ASB8: variants seen among roughly 807,000 people sequenced by gnomAD.
ASB8 encodes the protein ankyrin repeat and SOCS box protein 8.
A neutral mutation model predicts 22.9 loss-of-function variants in ASB8; 15 were observed. The observed-to-expected ratio is 0.66, with a 90% CI of 0.44 to 1.01. ASB8 has a LOEUF of 1.01. ASB8 is among the 50% of genes least tolerant of loss of function. The pLI, the probability that ASB8 is intolerant of heterozygous loss-of-function variation, is 0.00. For missense variants in ASB8, 294 were observed against 356.9 expected, an observed-to-expected ratio of 0.82 and a Z score of 1.42; for synonymous variants, 124 against 140.8, an observed-to-expected ratio of 0.88 and a Z score of 0.84.
intron 1 of ASB8, among the ~76,000 whole-genome samples, chr12:48,154,617 C>CA (rs1951267529): frequency 6.6e-6 from 1 of 151,526 alleles, no homozygotes; most frequent in South Asian, 2.1e-4. Context: ...AATGTACTTT[C>CA]AGTTTTAGGA....
chr12:48,150,273 T>C, intron 3 of ASB8: 2 of 683,840 alleles, frequency 2.9e-6, no homozygotes, highest in South Asian at 1.6e-5. Flanking sequence ...AATGTTCTTT[T>C]ATCTATTCAT....
In ASB8 at chr12:48,153,346, C is replaced by T. The variant is rs376121340; in HGVS notation, c.129+22G>A. 1.3e-5 allele frequency: 21 copies of T among 1,613,170 alleles called. No homozygotes were observed. In the African/African-American group the frequency reaches 1.9e-4, roughly 14 times the overall value. Reference sequence around the variant, plus strand: ...CCCACTTCATATCGCAAGGACTCTCCTGTCAATACCAGCACACTCACCCCT... The same window carrying T: ...CCCACTTCATATCGCAAGGACTCTCTTGTCAATACCAGCACACTCACCCCT... On this transcript the variant is annotated intron_variant, in intron 2 of 3. Transcript: ENST00000317697.
In ASB8 at chr12:48,148,660, T is replaced by G. The variant is rs1951140429; in HGVS notation, c.*706A>C. ...TTTTTCACAGATCAATTAAAATGGT[T>G]TTTTTTTTTTTTTTTTTTTTTTGAG... is the stretch of plus-strand genomic sequence containing the variant. On this transcript the variant is annotated 3_prime_UTR_variant, in exon 4 of 4. Transcript: ENST00000317697. The G allele has an allele frequency of 1.3e-5, 1 of 76,278 alleles. No homozygotes were observed. The highest frequency in any genetic ancestry group is 1.3e-4 in the Admixed American group (1 of 7,934). The allele number at this position is 76,278 out of a possible 1,614,324, so 4.7% of individuals were successfully genotyped here.
At position 48,155,742 on chromosome 12, in the gene ASB8, A is replaced by ATATAT. The variant is rs1555211489; in HGVS notation, c.-34+1716_-34+1717insATATA. Among the ~76,000 whole-genome samples the ATATAT allele has an allele frequency of 3.8e-3, 442 of 114,886 alleles. 5 individuals are homozygous for ATATAT. Among genetic ancestry groups the ATATAT allele is most frequent in the African/African-American group, 0.014 (416 of 29,490 alleles). The allele number at this position is 114,886 out of a possible 152,430, so 75.4% of individuals were successfully genotyped here. A position where few individuals can be genotyped will look rare whatever the true frequency, so the allele number is the denominator to read the frequency against. On this transcript the variant is annotated intron_variant, in intron 1 of 3. Transcript: ENST00000317697. ...GAGACTCCATCTCAAAAAAAAAAAA[A>ATATAT]ATATATATATATATATGTATATATA...
intron 3 of ASB8, chr12:48,150,920 AGT>A: frequency 5.5e-6 from 3 of 550,408 alleles, no homozygotes; most frequent in Non-Finnish European, 9.6e-6. Flanking sequence ...AGTGATGGCC[AGT>A]GACAGCTTAA....
chr12:48,150,878 T>C (rs1178450727), intron 3 of ASB8: 16 of 473,456 alleles, frequency 3.4e-5, no homozygotes, highest in Non-Finnish European at 5.6e-5. Flanking sequence ...TAAACGGAAA[T>C]ATAAACAGCC....
Position 48,149,389 on chromosome 12 carries a change from C to G in ASB8, c.844G>C (p.Glu282Gln). 1 of 1,614,028 alleles carries G rather than the reference C, an allele frequency of 6.2e-7. No homozygotes were observed. The highest frequency in any genetic ancestry group is 8.5e-7 in the Non-Finnish European group (1 of 1,179,928). Residue 282 changes from glutamate to glutamine, a missense_variant, in exon 4 of 4, where the codon GAA (glutamate) becomes CAA (glutamine). Glu to Gln is a conservative substitution (Grantham distance 29, BLOSUM62 2). Transcript: ENST00000317697. ...KGLPLPASLK[E>Q]YLLLLE is the part of the protein sequence containing the mutation. ...GGCTATTCTAAAAGTAACAGGTATTCCTTCAAAGAAGCTGGCAGTGGAAGG... is the reference window on the plus strand; with the variant it reads ...GGCTATTCTAAAAGTAACAGGTATTGCTTCAAAGAAGCTGGCAGTGGAAGG...
At chr12:48,151,768 A>G in intron 2 of ASB8, 3 of 586,692 alleles carry the variant, frequency 5.1e-6, no homozygotes, top group South Asian at 4.9e-5. Context: ...TCATCTTAAC[A>G]CGGTTTTTCC....
chr12:48,155,221 T>C (rs1406340146), intron 1 of ASB8, among the ~76,000 whole-genome samples: 1 of 152,218 alleles, frequency 6.6e-6, no homozygotes, highest in Admixed American at 6.5e-5. Context: ...ATCAGCTCTC[T>C]AGGTGCAACT....
At position 48,149,452 on chromosome 12, in the gene ASB8, T is replaced by C; in HGVS notation, c.781A>G (p.Ser261Gly). The change falls in exon 4 of 4, where the codon AGC becomes GGC. Residue 261 changes from serine (S) to glycine (G), a missense_variant. Physicochemically the swap from Ser to Gly is moderately conservative, Grantham distance 56 (BLOSUM62 0). Coordinates refer to ENST00000317697, the MANE Select transcript of ASB8 (RefSeq NM_024095.5). Reference sequence around the variant, plus strand: ...TCGGGGAGATACTGGAGTCCCAGGCTACGGCGCACGGCATAGCGAGCGAGT... The same window carrying C: ...TCGGGGAGATACTGGAGTCCCAGGCCACGGCGCACGGCATAGCGAGCGAGT... ...KTLARYAVRR[S>G]LGLQYLPDAV... is the part of the protein sequence containing the mutation. The C allele has an allele frequency of 6.2e-7, 1 of 1,614,126 alleles. No individual in the cohort carries two copies. The highest frequency in any genetic ancestry group is 8.5e-7 in the Non-Finnish European group (1 of 1,179,942).
chr12:48,149,155 TA>T lies in ASB8; in HGVS notation c.*210del, dbSNP rs1466893231. ...GCAATATAAAAAGCCAGGTAAGCAA[TA>T]AACAGAAAACAAAAGTGAGGGATTT... On this transcript the variant is annotated 3_prime_UTR_variant, in exon 4 of 4. Transcript: ENST00000317697. The T allele has an allele frequency of 1.7e-6, 1 of 598,338 alleles. No homozygotes were observed. The highest frequency in any genetic ancestry group is 1.9e-5 in the African/African-American group (1 of 53,964). 37.1% of individuals were successfully genotyped at this position (598,338 alleles called of 1,614,324 possible). A position where few individuals can be genotyped will look rare whatever the true frequency, so the allele number is the denominator to read the frequency against.
In ASB8 at chr12:48,149,685, A is replaced by G. The variant is rs150132451; in HGVS notation, c.548T>C (p.Ile183Thr). 19 of 1,613,952 alleles carry G rather than the reference A, an allele frequency of 1.2e-5. No individual in the cohort carries two copies. Among genetic ancestry groups the G allele is most frequent in the Non-Finnish European group, 1.5e-5 (18 of 1,179,936 alleles). The change falls in exon 4 of 4, where the codon ATA becomes ACA. Residue 183 changes from isoleucine to threonine, a missense_variant. Ile to Thr is a moderately conservative substitution (Grantham distance 89). Transcript: ENST00000317697. ...YGAEVRVINL[I>T]GQTPISRLVA... ...CAGGCGGGAGATGGGTGTCTGGCCTATTAGGTTGATGACTCTGACCTCTGC... is the reference window on the plus strand; with the variant it reads ...CAGGCGGGAGATGGGTGTCTGGCCTGTTAGGTTGATGACTCTGACCTCTGC...
intron 2 of ASB8, 99 bp downstream of exon 2, chr12:48,153,269 T>TGTGATC: frequency 6.9e-7 from 1 of 1,456,186 alleles, no homozygotes; most frequent in Non-Finnish European, 9.5e-7. Flanking sequence ...AAAAACTCCC[T>TGTGATC]GTGATCTTGG....
chr12:48,148,327 A>T lies in ASB8; in HGVS notation c.*1039T>A, dbSNP rs1951134726. The T allele has an allele frequency of 6.6e-6, 1 of 152,262 alleles. No individual in the cohort carries two copies. Among genetic ancestry groups the T allele is most frequent in the South Asian group, 2.1e-4 (1 of 4,836 alleles). 9.4% of individuals were successfully genotyped at this position (152,262 alleles called of 1,614,324 possible). A position where few individuals can be genotyped will look rare whatever the true frequency, so the allele number is the denominator to read the frequency against. On this transcript the variant is annotated 3_prime_UTR_variant, in exon 4 of 4. Transcript: ENST00000317697. ...GTTTCTCAGGAAGAGAAAAAGCTGC[A>T]TTACAAGAAAAGTTCTCAGGACTTT...
At chr12:48,152,134 G>A (rs1951213046) in intron 2 of ASB8, among the ~76,000 whole-genome samples, 3 of 143,394 alleles carry the variant, frequency 2.1e-5, no homozygotes, top group African/African-American at 7.9e-5. Flanking sequence ...CCTGGGCGAC[G>A]AGCGAAACTC....
Position 48,153,464 on chromosome 12 carries a change from G to A in ASB8, c.33C>T (p.Ser11=), listed in dbSNP as rs1366541255. The A allele has an allele frequency of 6.2e-7, 1 of 1,613,298 alleles. No homozygotes were observed. Among genetic ancestry groups the A allele is most frequent in the Non-Finnish European group, 8.5e-7 (1 of 1,179,420 alleles). MSSSMWYIMQ[S]IQSKYSLSER... is the part of the protein sequence containing the mutation. The stretch of plus-strand genomic sequence containing the variant: ...CGGAGAGAGAGTATTTGCTCTGAAT[G>A]CTCTGCATAATATACCACATACTGG... The change falls in exon 2 of 4, where the codon AGC becomes AGT. Residue 11 remains serine (S), a synonymous_variant. Transcript: ENST00000317697.
chr12:48,154,849 G>T (rs1951273730), intron 1 of ASB8, among the ~76,000 whole-genome samples: 1 of 152,162 alleles, frequency 6.6e-6, no homozygotes, highest in Non-Finnish European at 1.5e-5. Context: ...GCTGAGGCAG[G>T]AAAATAGCTT....
At chr12:48,156,804 G>C (rs890903008) in intron 1 of ASB8, among the ~76,000 whole-genome samples, 11 of 152,074 alleles carry the variant, frequency 7.2e-5, no homozygotes, top group African/African-American at 2.7e-4. Context: ...CTTCAGGGCA[G>C]ACAGCATTCA....
rs1951155753 is a variant in ASB8, at chr12:48,149,376, A to G, written c.857T>C (p.Leu286Pro). 6.2e-7 allele frequency: 1 copy of G among 1,613,328 alleles called. No homozygotes were observed. The highest frequency in any genetic ancestry group is 1.3e-5 in the African/African-American group (1 of 74,894). ...AAACATCTTCTCCGGCTATTCTAAA[A>G]GTAACAGGTATTCCTTCAAAGAAGC... is the stretch of plus-strand genomic sequence containing the variant. ...LPASLKEYLL[L>P]LE The change falls in exon 4 of 4, where the codon CTT becomes CCT. Residue 286 changes from leucine (L) to proline (P), a missense_variant. Coordinates refer to ENST00000317697, the MANE Select transcript of ASB8 (RefSeq NM_024095.5).
Sources: allele counts gnomAD v4.1 joint callset (sites outside exome capture counted in the v4.1 genomes callset), GRCh38; gene constraint gnomAD v4.1.1; transcripts MANE v1.5; gene names NCBI Gene and HGNC (gene_info 2026-07-23, HGNC 2026-07-21).